ARAP2: variants seen among roughly 807,000 people sequenced by gnomAD.
ARAP2 encodes ArfGAP with RhoGAP domain, ankyrin repeat and PH domain 2, also known as arf-GAP with Rho-GAP domain, ANK repeat and PH domain-containing protein 2.
A neutral mutation model predicts 194.5 loss-of-function variants in ARAP2; 148 were observed. The observed-to-expected ratio is 0.76, with a 90% CI of 0.67 to 0.87. The LOEUF (loss-of-function observed/expected upper bound fraction) is 0.87, where lower values mean the gene tolerates loss of function less well. ARAP2 is among the 40% of genes least tolerant of loss of function. ARAP2 has a pLI of 0.00. For missense variants in ARAP2, 2,128 were observed against 1,989.7 expected (o/e 1.07, Z -1.32); for synonymous variants, 695 against 683.5 (o/e 1.02, Z -0.26).
intron 19 of ARAP2, among the ~76,000 whole-genome samples, chr4:36,143,563 A>C (rs1045564088): frequency 6.6e-6 from 1 of 151,804 alleles, no homozygotes; most frequent in African/African-American, 2.4e-5. Flanking sequence ...TTAAGTACTT[A>C]AAATGGGGCT....
rs530423516 is a variant in ARAP2 at position 36,090,212 on chromosome 4, A to T, written c.4425+1669T>A. Among the ~76,000 whole-genome samples, 11 of 152,236 alleles carry T rather than the reference A, an allele frequency of 7.2e-5. No homozygotes were observed. The East Asian group carries it at 1.9e-3, about 27-fold the overall frequency. ...GCCTCCCAGACTAAACCAGGAAGAA[A>T]CTGAATCCCCGAACAGACCAATAAC... On this transcript the variant is annotated intron_variant, in intron 28 of 32. Transcript: ENST00000303965.
chr4:36,121,415 G>T, intron 22 of ARAP2, 89 bp from the exon 23 acceptor site: 1 of 1,207,186 alleles, frequency 8.3e-7, no homozygotes, highest in Non-Finnish European at 1.1e-6. Context: ...TTTAAACACA[G>T]CAATATTGGA....
In ARAP2 at chr4:36,133,286, G is replaced by A. The variant is rs780333865; in HGVS notation, c.3367C>T (p.Leu1123Phe). 2 of 1,611,304 alleles carry A rather than the reference G, an allele frequency of 1.2e-6. No individual in the cohort carries two copies. The highest frequency in any genetic ancestry group is 1.7e-5 in the Admixed American group (1 of 59,694). Residue 1123 changes from leucine to phenylalanine, a missense_variant, in exon 20 of 33, where the codon CTC becomes TTC. Leu to Phe is a conservative substitution (Grantham distance 22, BLOSUM62 0). Transcript: ENST00000303965. ...ATAATGGGAACGTCATTTTTGCTGAGCTGCTGATCTTGTAAAGCATTACCA... is the reference window on the plus strand; with the variant it reads ...ATAATGGGAACGTCATTTTTGCTGAACTGCTGATCTTGTAAAGCATTACCA... ...TDGNALQDQQ[L>F]SKNDVPIIVN...
chr4:36,076,250 T>A (rs958877612), intron 31 of ARAP2, among the ~76,000 whole-genome samples: 1 of 152,134 alleles, frequency 6.6e-6, no homozygotes, highest in Non-Finnish European at 1.5e-5. Flanking sequence ...TAATAATGAA[T>A]AACCATGCAC....
intron 26 of ARAP2, among the ~76,000 whole-genome samples, chr4:36,108,698 A>G (rs1719070427): frequency 6.6e-6 from 1 of 152,028 alleles, no homozygotes; most frequent in South Asian, 2.1e-4. Context: ...CAAGTTTTAG[A>G]ATTACAATCA....
At chr4:36,014,219 CCTAT>C (rs1224272256) in intron 8 of ARAP2, among the ~76,000 whole-genome samples, 1 of 81,642 alleles carries the variant, frequency 1.2e-5, no homozygotes, top group Non-Finnish European at 2.1e-5. Flanking sequence ...AAAGTGAGAC[CCTAT>C]CGAAAGAAAG....
chr4:36,054,625 A>G (rs1723198911), intron 2 of ARAP2, among the ~76,000 whole-genome samples: 1 of 152,202 alleles, frequency 6.6e-6, no homozygotes, highest in African/African-American at 2.4e-5. Context: ...AGACTTTCCA[A>G]TTTTTTTATT....
chr4:36,239,436 A>T (rs1349148177), intron 1 of ARAP2, among the ~76,000 whole-genome samples: 1 of 152,198 alleles, frequency 6.6e-6, no homozygotes, highest in East Asian at 1.9e-4. Context: ...CACAAAATGA[A>T]ATACTAAGCA....
At chr4:36,052,816 A>G (rs1380877195) in intron 2 of ARAP2, among the ~76,000 whole-genome samples, 1 of 152,002 alleles carries the variant, frequency 6.6e-6, no homozygotes, top group Non-Finnish European at 1.5e-5. Flanking sequence ...TACAAAAACA[A>G]AATGAGCCGG....
At chr4:36,198,806 G>T (rs1184759257) in intron 6 of ARAP2, among the ~76,000 whole-genome samples, 1 of 152,242 alleles carries the variant, frequency 6.6e-6, no homozygotes, top group Non-Finnish European at 1.5e-5. Context: ...GTCCCCAAGA[G>T]TGCAGAGATG....
At chr4:36,069,452 T>A (rs1433518358) in intron 32 of ARAP2, among the ~76,000 whole-genome samples, 1 of 152,148 alleles carries the variant, frequency 6.6e-6, no homozygotes. Context: ...ATTGTATGTA[T>A]TTTTAAATAA....
intron 26 of ARAP2, among the ~76,000 whole-genome samples, chr4:36,113,489 G>A (rs918529251): frequency 6.6e-6 from 1 of 151,940 alleles, no homozygotes; most frequent in Non-Finnish European, 1.5e-5. Context: ...AAGCTTGCGG[G>A]TGGCAAGATT....
intron 6 of ARAP2, among the ~76,000 whole-genome samples, chr4:36,196,653 T>C (rs992383560): frequency 9.2e-5 from 14 of 152,098 alleles, no homozygotes; most frequent in African/African-American, 3.4e-4. Context: ...CCACAGGGTG[T>C]AGCAGATGAA....
chr4:36,022,399 A>C (rs1717127258), intron 5 of ARAP2, among the ~76,000 whole-genome samples: 4 of 152,178 alleles, frequency 2.6e-5, no homozygotes, highest in Admixed American at 2.6e-4. Context: ...TACCCAACAT[A>C]ACGGCAGGAC....
At chr4:36,101,962 C>T (rs1717057968) in intron 27 of ARAP2, among the ~76,000 whole-genome samples, 1 of 136,566 alleles carries the variant, frequency 7.3e-6, no homozygotes, top group Non-Finnish European at 1.6e-5. Flanking sequence ...AAAATTACTC[C>T]TTTGACAATT....
intron 2 of ARAP2, among the ~76,000 whole-genome samples, chr4:36,215,313 A>C (rs1427429729): frequency 5.3e-5 from 8 of 152,230 alleles, no homozygotes; most frequent in Non-Finnish European, 1.2e-4. Context: ...CGATTTAAGA[A>C]AAAAGTTCCG....
chr4:36,024,563 G>A (rs1717573182), intron 5 of ARAP2, among the ~76,000 whole-genome samples: 1 of 152,050 alleles, frequency 6.6e-6, no homozygotes, highest in Non-Finnish European at 1.5e-5. Flanking sequence ...ATAAAAGAGT[G>A]AGCTAAAACT....
intron 6 of ARAP2, among the ~76,000 whole-genome samples, chr4:36,204,872 C>T (rs914604969): frequency 6.6e-6 from 1 of 151,078 alleles, no homozygotes; most frequent in African/African-American, 2.4e-5. Flanking sequence ...GCCTGTAATC[C>T]CGACTACTCG....
At chr4:36,006,827 G>A (rs953992616) in intron 10 of ARAP2, 15 of 152,002 alleles carry the variant, frequency 9.9e-5, no homozygotes, top group Non-Finnish European at 1.9e-4. Flanking sequence ...TAACTGATGG[G>A]TTACATATAT....
Sources: allele counts gnomAD v4.1 joint callset (sites outside exome capture counted in the v4.1 genomes callset), GRCh38; gene constraint gnomAD v4.1.1; transcripts MANE v1.5; gene names NCBI Gene and HGNC (gene_info 2026-07-23, HGNC 2026-07-21).